The following TANK variants were observed in gnomAD, a reference collection of about 807,000 sequenced individuals.
TANK encodes TRAF family member associated NFKB activator, also known as TRAF family member-associated NF-kappa-B activator.
TANK carries 15 observed loss-of-function variants against 43.6 expected under a neutral mutation model. The ratio of observed to expected loss-of-function variants is 0.34; its 90% CI spans 0.23 to 0.53. The LOEUF (loss-of-function observed/expected upper bound fraction) is 0.53, where lower values mean the gene tolerates loss of function less well. Among genes scored for constraint, TANK ranks in the 20% least tolerant of loss-of-function variants. The pLI, the probability that TANK is intolerant of heterozygous loss-of-function variation, is 0.94. For synonymous variants in TANK, 162 were observed against 178.2 expected (o/e 0.91, Z 0.73); for missense variants, 417 against 498.6 (o/e 0.84, Z 1.56).
In TANK at chr2:161,182,577, T is replaced by C. The variant is rs1207091680; in HGVS notation, c.99+2816T>C. On this transcript the variant is annotated intron_variant, in intron 2 of 7. Transcript: ENST00000392749. ...GTCCCAAATACAGGAGCTTCTGTCTTTGGGGAGTTGGGGTGCACTACCCTC... is the reference window on the plus strand; with the variant it reads ...GTCCCAAATACAGGAGCTTCTGTCTCTGGGGAGTTGGGGTGCACTACCCTC... 2.6e-5 allele frequency among the ~76,000 whole-genome samples: 4 copies of C among 152,174 alleles called. No homozygotes were observed. The East Asian group carries it at 7.7e-4, about 29-fold the overall frequency.
intron 7 of TANK, 75 bp downstream of exon 7, chr2:161,231,626 TCTTTTAC>T: frequency 7.6e-7 from 1 of 1,307,784 alleles, no homozygotes; most frequent in South Asian, 1.2e-5. Context: ...GATATGCATC[TCTTTTAC>T]GTTATCAAAC....
chr2:161,177,526 A>G (rs1258767579), intron 1 of TANK, among the ~76,000 whole-genome samples: 1 of 152,114 alleles, frequency 6.6e-6, no homozygotes, highest in Admixed American at 6.6e-5. Context: ...CACACCTTAT[A>G]CAACATTAAC....
chr2:161,155,407 C>T (rs1684197508), intron 1 of TANK, among the ~76,000 whole-genome samples: 1 of 152,154 alleles, frequency 6.6e-6, no homozygotes, highest in African/African-American at 2.4e-5. Context: ...TATTTTATAT[C>T]AAAATTTCAC....
intron 4 of TANK, among the ~76,000 whole-genome samples, chr2:161,209,404 G>C (rs545965477): frequency 2.0e-5 from 3 of 152,172 alleles, no homozygotes; most frequent in Admixed American, 6.5e-5. Flanking sequence ...TAAATAACAA[G>C]TTTTGTATTT....
intron 2 of TANK, among the ~76,000 whole-genome samples, chr2:161,185,519 T>C (rs1284655230): frequency 6.6e-6 from 1 of 150,540 alleles, no homozygotes; most frequent in East Asian, 1.9e-4. Flanking sequence ...AATGAAACAA[T>C]GTGGAAGAAT....
chr2:161,192,392 C>T (rs1471780960), intron 2 of TANK, among the ~76,000 whole-genome samples: 4 of 152,160 alleles, frequency 2.6e-5, no homozygotes, highest in Non-Finnish European at 5.9e-5. Context: ...ATAATCTCTC[C>T]TCTTACCACT....
At chr2:161,172,948 G>T (rs548490893) in intron 1 of TANK, among the ~76,000 whole-genome samples, 1 of 151,994 alleles carries the variant, frequency 6.6e-6, no homozygotes, top group East Asian at 1.9e-4. Flanking sequence ...TGTCTCCCTC[G>T]CTAGTTTGTA....
At chr2:161,178,877 G>T (rs1685293790) in intron 1 of TANK, among the ~76,000 whole-genome samples, 1 of 152,140 alleles carries the variant, frequency 6.6e-6, no homozygotes, top group African/African-American at 2.4e-5. Flanking sequence ...AGTTGGACAG[G>T]AAGAATCAGA....
At chr2:161,177,263 T>G (rs1685210143) in intron 1 of TANK, among the ~76,000 whole-genome samples, 1 of 152,194 alleles carries the variant, frequency 6.6e-6, no homozygotes, top group African/African-American at 2.4e-5. Context: ...GTAATGACAT[T>G]GTTATCCAAA....
At chr2:161,185,310 T>C (rs374999392) in intron 2 of TANK, among the ~76,000 whole-genome samples, 26 of 152,022 alleles carry the variant, frequency 1.7e-4, no homozygotes, top group African/African-American at 5.6e-4. Flanking sequence ...TGCATTTGGC[T>C]ATGTGGAGGT....
intron 2 of TANK, chr2:161,200,996 A>G: frequency 1.8e-6 from 1 of 553,308 alleles, no homozygotes; most frequent in Non-Finnish European, 2.3e-6. Flanking sequence ...ATCAGGAGGA[A>G]ATACTCTCTA....
rs549670400 is a variant in TANK, at chr2:161,213,487, C to T, written c.327+8694C>T. 3.3e-4 allele frequency among the ~76,000 whole-genome samples: 50 copies of T among 151,744 alleles called. 1 individual carries two copies. The highest frequency in any genetic ancestry group is 1.2e-3 in the African/African-American group (50 of 41,362). On this transcript the variant is annotated intron_variant, in intron 4 of 7. Coordinates refer to ENST00000392749, the MANE Select transcript of TANK (RefSeq NM_001199135.3). Reference sequence around the variant, plus strand: ...GCATGATGGTGGGTGCTTGTAATCCCAGCTACTCTGGAGGCTGAGGCAGGA... The same window carrying T: ...GCATGATGGTGGGTGCTTGTAATCCTAGCTACTCTGGAGGCTGAGGCAGGA...
rs1217493155 is a variant in TANK at position 161,231,212 on chromosome 2, C to T, written c.762C>T (p.Gly254=). The T allele has an allele frequency of 1.5e-5, 24 of 1,613,898 alleles. No homozygotes were observed. The highest frequency in any genetic ancestry group is 1.8e-5 in the Non-Finnish European group (21 of 1,180,042). Residue 254 remains glycine, a synonymous_variant, in exon 7 of 8, where the codon GGC becomes GGT. Coordinates refer to ENST00000392749, the MANE Select transcript of TANK (RefSeq NM_001199135.3). ...TACATAGCACTCCAGAGAGACCCGG[C>T]ATCCTTAGTCCTGCCACGTCTGAGG... ...TFLHSTPERP[G]ILSPATSEAV... is the part of the protein sequence containing the mutation.
chr2:161,169,902 G>A (rs1431324121), intron 1 of TANK, among the ~76,000 whole-genome samples: 4 of 152,094 alleles, frequency 2.6e-5, no homozygotes, highest in Non-Finnish European at 5.9e-5. Flanking sequence ...TTCTGCAGAG[G>A]GAAGATTAAA....
intron 2 of TANK, among the ~76,000 whole-genome samples, chr2:161,185,311 A>G (rs561931912): frequency 4.6e-5 from 7 of 152,234 alleles, no homozygotes; most frequent in East Asian, 1.9e-4. Flanking sequence ...GCATTTGGCT[A>G]TGTGGAGGTT....
intron 1 of TANK, among the ~76,000 whole-genome samples, chr2:161,141,465 T>C (rs1298504209): frequency 6.6e-6 from 1 of 152,034 alleles, no homozygotes; most frequent in Non-Finnish European, 1.5e-5. Flanking sequence ...GCATTAGCTA[T>C]TTATCCCTCC....
rs1437530645 is a variant in TANK at position 161,230,997 on chromosome 2, T to C, written c.547T>C (p.Cys183Arg). 6.2e-7 allele frequency: 1 copy of C among 1,613,966 alleles called. No individual in the cohort carries two copies. The highest frequency in any genetic ancestry group is 2.2e-5 in the East Asian group (1 of 44,892). Reference protein sequence around the residue: ...TETQCSVPIQCTDKTDKQEAL... With the variant: ...TETQCSVPIQRTDKTDKQEAL... ...AACACAGTGCTCTGTGCCTATACAG[T>C]GTACGGATAAAACAGATAAACAAGA... Residue 183 changes from cysteine to arginine, a missense_variant, in exon 7 of 8, where the codon TGT becomes CGT. Physicochemically the swap from Cys to Arg is radical, Grantham distance 180. Transcript: ENST00000392749.
chr2:161,139,772 C>CA (rs1205043926), intron 1 of TANK: 3 of 985,198 alleles, frequency 3.0e-6, no homozygotes, highest in Admixed American at 6.2e-5. Context: ...TGACATAAGC[C>CA]AAGTAACCCT....
At chr2:161,162,254 A>G (rs1454198143) in intron 1 of TANK, among the ~76,000 whole-genome samples, 2 of 152,124 alleles carry the variant, frequency 1.3e-5, no homozygotes, top group Non-Finnish European at 2.9e-5. Context: ...TTCATAGGAC[A>G]AGTCCCTCTT....
Sources: allele counts gnomAD v4.1 joint callset (sites outside exome capture counted in the v4.1 genomes callset), GRCh38; gene constraint gnomAD v4.1.1; transcripts MANE v1.5; gene names NCBI Gene and HGNC (gene_info 2026-07-23, HGNC 2026-07-21).